Variants in DNM3 observed in about 807,000 individuals in gnomAD.
DNM3 encodes the protein dynamin 3.
A neutral mutation model predicts 101.6 loss-of-function variants in DNM3; 47 were observed. The observed-to-expected ratio is 0.46, with a 90% CI of 0.37 to 0.59. The LOEUF (loss-of-function observed/expected upper bound fraction) is 0.59. Ranked by LOEUF, DNM3 falls within the 20% of genes least tolerant of loss-of-function variation. DNM3 has a pLI of 0.00. For synonymous variants in DNM3, 385 were observed against 387.9 expected (o/e 0.99, Z 0.09); for missense variants, 849 against 1,085.7 (o/e 0.78, Z 3.06).
At chr1:171,880,886 G>A (rs946471097) in intron 1 of DNM3, among the ~76,000 whole-genome samples, 9 of 151,732 alleles carry the variant, frequency 5.9e-5, no homozygotes, top group African/African-American at 2.2e-4. Context: ...AAAATACATA[G>A]GCAGAATAAA....
chr1:171,900,831 C>T (rs530834010), intron 1 of DNM3, among the ~76,000 whole-genome samples: 13 of 152,046 alleles, frequency 8.6e-5, no homozygotes, highest in Admixed American at 3.3e-4. Flanking sequence ...TGTATGAGGC[C>T]GGGCGCGGTG....
rs2042573380 is a variant in DNM3, at chr1:171,952,187, T to G, written c.235+30366T>G. ...TTTTGGGGACCTTAAAATGTCACACTTTTAGTTAATCCTTTCTTAAACCTG... is the reference window on the plus strand; with the variant it reads ...TTTTGGGGACCTTAAAATGTCACACGTTTAGTTAATCCTTTCTTAAACCTG... On this transcript the variant is annotated intron_variant, in intron 2 of 20. Coordinates refer to ENST00000627582, the MANE Select transcript of DNM3 (RefSeq NM_015569.5). 2.6e-5 allele frequency among the ~76,000 whole-genome samples: 4 copies of G among 152,196 alleles called. No homozygotes were observed. The South Asian group carries it at 8.3e-4, about 31-fold the overall frequency.
intron 18 of DNM3, among the ~76,000 whole-genome samples, chr1:172,381,207 A>G (rs897577723): frequency 1.3e-5 from 2 of 151,990 alleles, no homozygotes; most frequent in African/African-American, 4.8e-5. Flanking sequence ...CCTCGGAGGT[A>G]AAGTTCTGAT....
chr1:171,913,059 C>T (rs143482797), intron 1 of DNM3, among the ~76,000 whole-genome samples: 42 of 152,332 alleles, frequency 2.8e-4, no homozygotes, highest in Middle Eastern at 3.4e-3. Flanking sequence ...AGTTCTTCAG[C>T]ATGTTTCCTG....
intron 4 of DNM3, among the ~76,000 whole-genome samples, chr1:172,007,001 T>C (rs914055524): frequency 6.6e-6 from 1 of 152,160 alleles, no homozygotes; most frequent in Non-Finnish European, 1.5e-5. Context: ...TTCATTTTTT[T>C]AAATAGGTGA....
intron 2 of DNM3, among the ~76,000 whole-genome samples, chr1:171,924,739 C>T (rs532541157): frequency 6.6e-6 from 1 of 152,236 alleles, no homozygotes; most frequent in African/African-American, 2.4e-5. Context: ...AAAGCCTAAA[C>T]ATATCAATAG....
intron 4 of DNM3, among the ~76,000 whole-genome samples, chr1:172,031,446 T>C (rs1364911619): frequency 6.6e-6 from 1 of 152,080 alleles, no homozygotes; most frequent in Non-Finnish European, 1.5e-5. Context: ...AAATAGCTAA[T>C]GCATTGGGAG....
chr1:172,410,011 T>C lies in DNM3; in HGVS notation c.*2170T>C. ...AATAAACAATGGCATTTGTCATCTTTGGCACTTGCTTTTAGATTATAGTCC... is the reference window on the plus strand; with the variant it reads ...AATAAACAATGGCATTTGTCATCTTCGGCACTTGCTTTTAGATTATAGTCC... On this transcript the variant is annotated 3_prime_UTR_variant, in exon 21 of 21. Transcript: ENST00000627582. The C allele has an allele frequency of 1.0e-6, 1 of 985,772 alleles. No homozygotes were observed. Among genetic ancestry groups the C allele is most frequent in the Non-Finnish European group, 1.2e-6 (1 of 829,874 alleles). The allele number at this position is 985,772 out of a possible 1,614,324, so 61.1% of individuals were successfully genotyped here.
At chr1:171,887,772 G>C (rs1158025492) in intron 1 of DNM3, among the ~76,000 whole-genome samples, 1 of 152,062 alleles carries the variant, frequency 6.6e-6, no homozygotes, top group East Asian at 1.9e-4. Context: ...CTGTAGATTT[G>C]AGAAAATCTG....
At chr1:171,845,362 A>T (rs920372629) in intron 1 of DNM3, among the ~76,000 whole-genome samples, 2 of 152,218 alleles carry the variant, frequency 1.3e-5, no homozygotes, top group Admixed American at 6.5e-5. Context: ...CAGTCTGGGC[A>T]ACGTAGTGAG....
intron 20 of DNM3, among the ~76,000 whole-genome samples, chr1:172,395,181 T>C (rs909345885): frequency 3.3e-5 from 5 of 151,656 alleles, no homozygotes; most frequent in African/African-American, 7.3e-5. Flanking sequence ...CAATTTTTTT[T>C]TTTTTTTTTT....
intron 15 of DNM3, among the ~76,000 whole-genome samples, chr1:172,278,335 A>G (rs1194328621): frequency 2.6e-5 from 4 of 151,752 alleles, no homozygotes; most frequent in African/African-American, 9.7e-5. Flanking sequence ...GGGGTGCCCA[A>G]TCTTTTGGTT....
At chr1:171,944,406 C>T in intron 2 of DNM3, among the ~76,000 whole-genome samples, 1 of 151,760 alleles carries the variant, frequency 6.6e-6, no homozygotes, top group East Asian at 1.9e-4. Context: ...GATGGGGTCT[C>T]ACTCTGTCAC....
intron 14 of DNM3, among the ~76,000 whole-genome samples, chr1:172,214,515 TC>T (rs35963512): frequency 6.6e-6 from 1 of 151,396 alleles, no homozygotes; most frequent in East Asian, 1.9e-4. Context: ...ACACACCTCA[TC>T]CCCCCCACAC....
intron 2 of DNM3, among the ~76,000 whole-genome samples, chr1:171,949,401 T>TA (rs1287500878): frequency 3.3e-5 from 5 of 152,050 alleles, no homozygotes; most frequent in Non-Finnish European, 7.4e-5. Context: ...ATTAAAACCA[T>TA]AACCAGGTAT....
chr1:172,238,946 A>G (rs2061642830), intron 14 of DNM3, among the ~76,000 whole-genome samples: 1 of 152,188 alleles, frequency 6.6e-6, no homozygotes, highest in East Asian at 1.9e-4. Flanking sequence ...TAATTGCGGA[A>G]TTTTCAATTT....
intron 11 of DNM3, among the ~76,000 whole-genome samples, chr1:172,073,768 G>A (rs762908470): frequency 1.4e-4 from 21 of 152,162 alleles, no homozygotes; most frequent in Non-Finnish European, 2.5e-4. Flanking sequence ...TGTAAGCACC[G>A]TATTTCTCCC....
chr1:171,930,719 C>T (rs190964930), intron 2 of DNM3, among the ~76,000 whole-genome samples: 28 of 152,246 alleles, frequency 1.8e-4, no homozygotes, highest in Admixed American at 5.9e-4. Context: ...CCGTTCTCCA[C>T]GGGTCAAGTT....
intron 1 of DNM3, among the ~76,000 whole-genome samples, chr1:171,861,465 G>A (rs187180621): frequency 3.9e-5 from 6 of 152,204 alleles, no homozygotes; most frequent in Admixed American, 3.9e-4. Flanking sequence ...TTTAACAAAA[G>A]TACCAAGATA....
Sources: gnomAD v4.1 joint callset for allele counts (sites outside exome capture counted in the v4.1 genomes callset) on GRCh38, gnomAD v4.1.1 for gene constraint, MANE v1.5 for transcripts, NCBI Gene and HGNC (gene_info 2026-07-23, HGNC 2026-07-21) for gene names.